The following ERBB4 variants were observed in gnomAD, a reference collection of about 807,000 sequenced individuals.
The protein encoded by ERBB4 is erb-b2 receptor tyrosine kinase 4.
ERBB4 carries 42 observed loss-of-function variants against 158.0 expected under a neutral mutation model. That is an observed-to-expected ratio of 0.27 (90% CI 0.21 to 0.34). The LOEUF is 0.34. ERBB4 is among the 10% of genes least tolerant of loss of function. The pLI is 1.00. For missense variants in ERBB4, 1,333 were observed against 1,624.1 expected, an observed-to-expected ratio of 0.82 and a Z score of 3.08; for synonymous variants, 583 against 558.7, an observed-to-expected ratio of 1.04 and a Z score of -0.61.
chr2:211,410,348 G>T (rs538335008), intron 25 of ERBB4, among the ~76,000 whole-genome samples: 2 of 152,106 alleles, frequency 1.3e-5, no homozygotes, highest in African/African-American at 4.8e-5. Flanking sequence ...GATTTACCAC[G>T]CTATGAGAAA....
At chr2:211,901,615 G>A (rs1462990462) in intron 3 of ERBB4, among the ~76,000 whole-genome samples, 1 of 152,176 alleles carries the variant, frequency 6.6e-6, no homozygotes, top group African/African-American at 2.4e-5. Flanking sequence ...ATCTCAAGAT[G>A]TTATCTGTGG....
At chr2:212,113,920 GT>G (rs1325173091) in intron 2 of ERBB4, among the ~76,000 whole-genome samples, 1 of 152,114 alleles carries the variant, frequency 6.6e-6, no homozygotes, top group African/African-American at 2.4e-5. Flanking sequence ...AGTAAGTAAT[GT>G]AAAGTAATTC....
At chr2:211,395,796 C>T (rs2125340107) in intron 25 of ERBB4, among the ~76,000 whole-genome samples, 1 of 152,130 alleles carries the variant, frequency 6.6e-6, no homozygotes, top group South Asian at 2.1e-4. Context: ...TATCTAAACA[C>T]TCTACCTATA....
At chr2:211,809,228 C>A (rs2076691544) in intron 3 of ERBB4, among the ~76,000 whole-genome samples, 1 of 152,194 alleles carries the variant, frequency 6.6e-6, no homozygotes, top group South Asian at 2.1e-4. Flanking sequence ...AGGATTCCCT[C>A]TTTTTCTATT....
At chr2:211,430,907 A>G in intron 21 of ERBB4, 38 bp downstream of exon 21, 1 of 1,535,030 alleles carries the variant, frequency 6.5e-7, no homozygotes, top group Non-Finnish European at 9.0e-7. Flanking sequence ...ATATTATACT[A>G]TATTTTCAAG....
At chr2:211,675,034 C>T (rs1489920883) in intron 13 of ERBB4, among the ~76,000 whole-genome samples, 1 of 152,110 alleles carries the variant, frequency 6.6e-6, no homozygotes, top group Admixed American at 6.5e-5. Context: ...TTCCTGCTCT[C>T]AGAAAAGATC....
intron 1 of ERBB4, among the ~76,000 whole-genome samples, chr2:212,341,362 A>C (rs947417201): frequency 1.3e-5 from 2 of 152,002 alleles, no homozygotes; most frequent in Admixed American, 1.3e-4. Context: ...AAATGTCTTA[A>C]ATTTTTTTTT....
chr2:211,819,602 A>C (rs1347784943), intron 3 of ERBB4, among the ~76,000 whole-genome samples: 2 of 152,012 alleles, frequency 1.3e-5, no homozygotes, highest in Non-Finnish European at 2.9e-5. Context: ...GGGAGGATGG[A>C]CTTAAGAACA....
chr2:211,562,236 A>G (rs1176170695), intron 19 of ERBB4, 148 bp from the exon 20 acceptor site: 1 of 707,800 alleles, frequency 1.4e-6, no homozygotes, highest in Non-Finnish European at 2.4e-6. Flanking sequence ...AATTTCAGTT[A>G]TTCTATCTTT....
chr2:211,536,923 A>G (rs1048141285), intron 20 of ERBB4, among the ~76,000 whole-genome samples: 1 of 151,844 alleles, frequency 6.6e-6, no homozygotes, highest in African/African-American at 2.4e-5. Flanking sequence ...GTAGAGCAGG[A>G]AAAAACAAAA....
At chr2:212,238,682 T>G (rs2083969784) in intron 1 of ERBB4, among the ~76,000 whole-genome samples, 2 of 152,176 alleles carry the variant, frequency 1.3e-5, no homozygotes, top group Admixed American at 1.3e-4. Context: ...CATTTTCAAA[T>G]GAGTCTCAGA....
At chr2:211,536,148 A>G (rs775530813) in intron 20 of ERBB4, among the ~76,000 whole-genome samples, 48 of 150,156 alleles carry the variant, frequency 3.2e-4, no homozygotes, top group African/African-American at 1.1e-3. Flanking sequence ...CCTTTGGAGA[A>G]GAGATTAAAA....
chr2:212,435,368 C>T (rs2092115551), intron 1 of ERBB4, among the ~76,000 whole-genome samples: 1 of 151,966 alleles, frequency 6.6e-6, no homozygotes, highest in African/African-American at 2.4e-5. Flanking sequence ...AAACCATAGA[C>T]TTGATGTTAA....
intron 2 of ERBB4, among the ~76,000 whole-genome samples, chr2:212,104,994 G>C (rs1474482603): frequency 6.6e-6 from 1 of 151,486 alleles, no homozygotes; most frequent in African/African-American, 2.4e-5. Flanking sequence ...GAATTCATCA[G>C]ACATCAACGT....
chr2:212,027,186 T>A (rs1266075811), intron 2 of ERBB4, among the ~76,000 whole-genome samples: 1 of 151,980 alleles, frequency 6.6e-6, no homozygotes, highest in African/African-American at 2.4e-5. Context: ...CAAGCTGAGG[T>A]TAATTATGAA....
chr2:211,428,601 T>G (rs888926651), intron 21 of ERBB4, 118 bp from the exon 22 acceptor site: 5 of 553,488 alleles, frequency 9.0e-6, no homozygotes. Context: ...TATGTGTGTA[T>G]AGATATAACT....
intron 1 of ERBB4, among the ~76,000 whole-genome samples, chr2:212,179,378 A>T (rs2081782088): frequency 6.6e-6 from 1 of 150,566 alleles, no homozygotes; most frequent in Non-Finnish European, 1.5e-5. Flanking sequence ...AAGCACTGAG[A>T]GTACTCCAAA....
In ERBB4 at chr2:211,434,536, T is replaced by C. The variant is rs898980598; in HGVS notation, c.2488-3436A>G. Among the ~76,000 whole-genome samples, 6 of 152,238 alleles carry C rather than the reference T, an allele frequency of 3.9e-5. No homozygotes were observed. In the South Asian group the frequency reaches 1.0e-3, roughly 26 times the overall value. ...TCCCAGTCTCCAAAACTATGAGAAA[T>C]AAATTTCTGTTTATGGTATTTTGTT... On this transcript the variant is annotated intron_variant, in intron 20 of 27. Coordinates refer to ENST00000342788, the MANE Select transcript of ERBB4 (RefSeq NM_005235.3).
At position 211,392,558 on chromosome 2, in the gene ERBB4, C is replaced by CCGCACACACACA. The variant is rs767854845; in HGVS notation, c.3136-4567_3136-4566insTGTGTGTGTGCG. ...ACTTTTTTGAAAAAACTCTCTTACTCCACACACACACACACACACACACAC... is the reference window on the plus strand; with the variant it reads ...ACTTTTTTGAAAAAACTCTCTTACTCCGCACACACACACACACACACACACACACACACACAC... On this transcript the variant is annotated intron_variant, in intron 25 of 27. Coordinates refer to ENST00000342788, the MANE Select transcript of ERBB4 (RefSeq NM_005235.3). 2.1e-4 allele frequency among the ~76,000 whole-genome samples: 30 copies of CCGCACACACACA among 141,010 alleles called. No homozygotes were observed. The East Asian group carries it at 3.2e-3, about 15-fold the overall frequency. 92.5% of individuals were successfully genotyped at this position (141,010 alleles called of 152,430 possible).
Sources: allele counts gnomAD v4.1 joint callset (sites outside exome capture counted in the v4.1 genomes callset), GRCh38; gene constraint gnomAD v4.1.1; transcripts MANE v1.5; gene names NCBI Gene and HGNC (gene_info 2026-07-23, HGNC 2026-07-21).